The following SUN1 variants were observed in gnomAD, a reference collection of about 807,000 sequenced individuals.
SUN1 encodes the protein SUN domain-containing protein 1.
SUN1 carries 61 observed loss-of-function variants against 103.2 expected under a neutral mutation model. That is an observed-to-expected ratio of 0.59 (90% CI 0.48 to 0.73). The LOEUF (loss-of-function observed/expected upper bound fraction) is 0.73. SUN1 is among the 30% of genes least tolerant of loss of function. The pLI, the probability that SUN1 is intolerant of heterozygous loss-of-function variation, is 0.00. For synonymous variants in SUN1, 490 were observed against 425.7 expected, an observed-to-expected ratio of 1.15 and a Z score of -1.86; for missense variants, 1,052 against 1,034.6, an observed-to-expected ratio of 1.02 and a Z score of -0.23.
intron 5 of SUN1, among the ~76,000 whole-genome samples, chr7:846,614 C>T (rs189802780): frequency 6.6e-6 from 1 of 152,090 alleles, no homozygotes; most frequent in Non-Finnish European, 1.5e-5. Flanking sequence ...GTGGCTCATG[C>T]CTGTAATCCC....
At position 838,824 on chromosome 7, in the gene SUN1, A is replaced by T; in HGVS notation, c.104A>T (p.Asp35Val). Residue 35 changes from aspartate to valine, a missense_variant, in exon 2 of 19, where the codon GAT (aspartate) becomes GTT (valine). Physicochemically the swap from Asp to Val is radical, Grantham distance 152. Around this residue, in one of 2 missense-constraint regions of SUN1, gnomAD observed 846 missense variants for 774.5 expected, o/e 1.09. Coordinates refer to ENST00000401592, the MANE Select transcript of SUN1 (RefSeq NM_001130965.3). ...LSSSYSSDAL[D>V]FETEHKLDPV... ...TCCAGCTATTCTTCAGATGCTCTGG[A>T]TTTTGAGACGGAGCACAAATTGGAC... 6.4e-7 allele frequency: 1 copy of T among 1,560,268 alleles called. No individual in the cohort carries two copies.
chr7:837,967 C>T (rs774757793), intron 1 of SUN1, among the ~76,000 whole-genome samples: 9 of 152,272 alleles, frequency 5.9e-5, no homozygotes, highest in Non-Finnish European at 8.8e-5. Context: ...TGCAGTCTCT[C>T]TCTTGTCCCC....
intron 1 of SUN1, among the ~76,000 whole-genome samples, chr7:838,377 C>T (rs528270741): frequency 6.6e-6 from 1 of 152,338 alleles, no homozygotes; most frequent in East Asian, 1.9e-4. Context: ...ACTTGGCCTC[C>T]TCTCCTGCGT....
intron 1 of SUN1, among the ~76,000 whole-genome samples, chr7:822,048 C>A (rs1786607627): frequency 6.6e-6 from 1 of 152,102 alleles, no homozygotes. Flanking sequence ...GACTGCTCAC[C>A]CACTTGATTT....
intron 5 of SUN1, chr7:848,436 T>C (rs774104296): frequency 2.9e-6 from 4 of 1,360,058 alleles, no homozygotes; most frequent in South Asian, 2.3e-5. Flanking sequence ...TCTTTCTACG[T>C]GAATAGGATT....
At position 834,118 on chromosome 7, in the gene SUN1, G is replaced by A. The variant is rs185266080; in HGVS notation, c.77+1517G>A. On this transcript the variant is annotated intron_variant, in intron 1 of 18. Coordinates refer to ENST00000401592, the MANE Select transcript of SUN1 (RefSeq NM_001130965.3). ...GACTCTTGGTGGGCAGGGGCTGGCT[G>A]GATGGTGTAGGCTGGGCTGGGAATT... 5.3e-5 allele frequency among the ~76,000 whole-genome samples: 8 copies of A among 150,432 alleles called. No homozygotes were observed. The East Asian group carries it at 1.6e-3, about 30-fold the overall frequency.
Position 852,957 on chromosome 7 carries a change from G to A in SUN1, c.1053+5G>A. The A allele has an allele frequency of 6.2e-7, 1 of 1,610,572 alleles. No homozygotes were observed. Among genetic ancestry groups the A allele is most frequent in the Non-Finnish European group, 8.5e-7 (1 of 1,178,806 alleles). ...CGCCTGAAGCAGCCTCTGCAGGTAA[G>A]AGGGTAGAAAGGCCTCTCAGCTGGC... On this transcript the variant is annotated splice_donor_5th_base_variant and intron_variant, in intron 9 of 18. Coordinates refer to ENST00000401592, the MANE Select transcript of SUN1 (RefSeq NM_001130965.3).
chr7:851,547 C>T (rs201910984), intron 6 of SUN1, 65 bp downstream of exon 6: 15 of 1,328,080 alleles, frequency 1.1e-5, no homozygotes, highest in East Asian at 5.0e-5. Flanking sequence ...CACCTGCACT[C>T]GATTTACCTA....
intron 1 of SUN1, among the ~76,000 whole-genome samples, chr7:817,797 CTAA>C (rs1336529420): frequency 1.3e-5 from 2 of 152,186 alleles, no homozygotes; most frequent in Admixed American, 6.5e-5. Flanking sequence ...AATTATTTCT[CTAA>C]TAATTTCCTT....
At position 873,524 on chromosome 7, in the gene SUN1, C is replaced by T. The variant is rs1843024575; in HGVS notation, c.*193C>T. 6 of 584,822 alleles carry T rather than the reference C, an allele frequency of 1.0e-5. No homozygotes were observed. The highest frequency in any genetic ancestry group is 1.5e-5 in the Non-Finnish European group (5 of 331,568). The allele number at this position is 584,822 out of a possible 1,614,324, so 36.2% of individuals were successfully genotyped here. A position where few individuals can be genotyped will look rare whatever the true frequency, so the allele number is the denominator to read the frequency against. On this transcript the variant is annotated 3_prime_UTR_variant, in exon 19 of 19. Transcript: ENST00000401592. ...ACCTGTTGGGTGCTCACTGCCTCTG[C>T]AGGTGCAGAGGGGTCAGCAGCAGGA... is the stretch of plus-strand genomic sequence containing the variant.
intron 2 of SUN1, 113 bp from the exon 3 acceptor site, chr7:841,833 G>A (rs1810281972): frequency 3.5e-6 from 4 of 1,154,274 alleles, no homozygotes; most frequent in East Asian, 2.6e-5. Context: ...TAGGAAAATG[G>A]TTTGCCTTAA....
chr7:853,298 C>T (rs1823964569), intron 9 of SUN1, 111 bp from the exon 10 acceptor site: 2 of 1,233,844 alleles, frequency 1.6e-6, no homozygotes, highest in Non-Finnish European at 2.3e-6. Context: ...CATTCGTGTG[C>T]CGTGCGCCCC....
chr7:865,629 G>A (rs1177716899), intron 15 of SUN1, among the ~76,000 whole-genome samples: 1 of 152,110 alleles, frequency 6.6e-6, no homozygotes, highest in Non-Finnish European at 1.5e-5. Flanking sequence ...CAGATCATAT[G>A]GTAGCTCTGT....
intron 1 of SUN1, among the ~76,000 whole-genome samples, chr7:826,961 G>T (rs1792734589): frequency 6.6e-6 from 1 of 152,216 alleles, no homozygotes; most frequent in Non-Finnish European, 1.5e-5. Context: ...TTTCTTTAGA[G>T]CTGATAGCAT....
chr7:852,779 C>CTG (rs751336709), intron 8 of SUN1, 31 bp from the exon 9 acceptor site: 5 of 1,610,170 alleles, frequency 3.1e-6, no homozygotes, highest in African/African-American at 1.3e-5. Context: ...CGTGGTGTAC[C>CTG]TGTGTGTGTG....
Position 873,098 on chromosome 7 carries a change from C to T in SUN1, c.2242-117C>T, listed in dbSNP as rs1585429698. ...CAAGACTCTGTCTCAACAACAACAA[C>T]AAAAGGTTAATTTCCAACTCAGCTG... On this transcript the variant is annotated intron_variant, in intron 18 of 18. Coordinates refer to ENST00000401592, the MANE Select transcript of SUN1 (RefSeq NM_001130965.3). 9 of 955,516 alleles carry T rather than the reference C, an allele frequency of 9.4e-6. No homozygotes were observed. The South Asian group carries it at 1.0e-4, about 11-fold the overall frequency. 59.2% of individuals were successfully genotyped at this position (955,516 alleles called of 1,614,324 possible).
Position 826,392 on chromosome 7 carries a change from G to A in SUN1, c.-74+9719G>A, listed in dbSNP as rs139886974. On this transcript the variant is annotated intron_variant, in intron 1 of 17. Transcript: ENST00000389574. ...TGCGCCTGTGTGCTCATCATGCCCCGCTCGGTGTCTCTCGGGAAGGTCCCT... is the reference window on the plus strand; with the variant it reads ...TGCGCCTGTGTGCTCATCATGCCCCACTCGGTGTCTCTCGGGAAGGTCCCT... Among the ~76,000 whole-genome samples the A allele has an allele frequency of 7.5e-3, 1,143 of 152,218 alleles. 8 individuals carry two copies. The highest frequency in any genetic ancestry group is 0.026 in the African/African-American group (1,078 of 41,522).
chr7:816,104 A>G (rs1780317220), upstream of SUN1: 2 of 245,570 alleles, frequency 8.1e-6, no homozygotes, highest in Non-Finnish European at 1.5e-5. Flanking sequence ...ACCTTTCCGA[A>G]GATGCAGACC....
chr7:826,857 C>A (rs1034658498), intron 1 of SUN1, among the ~76,000 whole-genome samples: 1 of 152,106 alleles, frequency 6.6e-6, no homozygotes, highest in East Asian at 1.9e-4. Context: ...ATGAGTGTTT[C>A]GTAGAAAATA....
Sources: allele counts gnomAD v4.1 joint callset (sites outside exome capture counted in the v4.1 genomes callset), GRCh38; gene constraint gnomAD v4.1.1; regional missense constraint gnomAD v4.1.1; transcripts MANE v1.5; gene names NCBI Gene and HGNC (gene_info 2026-07-23, HGNC 2026-07-21).